Variants in MTG1 observed in about 807,000 individuals in gnomAD.
MTG1 encodes the protein mitochondrial ribosome associated GTPase 1.
In MTG1, 30 loss-of-function variants were observed where a neutral mutation model predicts 39.5. The ratio of observed to expected loss-of-function variants is 0.76; its 90% confidence interval spans 0.57 to 1.03. The LOEUF (loss-of-function observed/expected upper bound fraction) is 1.03. Among genes scored for constraint, MTG1 ranks in the 50% least tolerant of loss-of-function variants. The pLI is 0.00. For missense variants in MTG1, 513 were observed against 447.4 expected, an observed-to-expected ratio of 1.15 and a Z score of -1.32; for synonymous variants, 217 against 179.0, an observed-to-expected ratio of 1.21 and a Z score of -1.69.
chr10:133,413,067 A>G (rs1850069554), intron 9 of MTG1, among the ~76,000 whole-genome samples: 1 of 152,132 alleles, frequency 6.6e-6, no homozygotes, highest in East Asian at 1.9e-4. Flanking sequence ...ATCCTTCAGA[A>G]TATTCTCTGC....
chr10:133,396,520 C>T (rs1849785508), intron 3 of MTG1, among the ~76,000 whole-genome samples: 3 of 152,198 alleles, frequency 2.0e-5, no homozygotes, highest in African/African-American at 4.8e-5. Context: ...GGTTGTGCTG[C>T]CAGAGCCCGA....
rs542946553 is a variant in MTG1, at chr10:133,414,561, A to G, written c.753-4919A>G. Among the ~76,000 whole-genome samples the G allele has an allele frequency of 3.1e-3, 462 of 150,628 alleles. 1 individual carries two copies. Among genetic ancestry groups the G allele is most frequent in the Non-Finnish European group, 4.9e-3 (331 of 67,764 alleles). On this transcript the variant is annotated intron_variant, in intron 9 of 10. Coordinates refer to ENST00000317502, the MANE Select transcript of MTG1 (RefSeq NM_138384.4). ...CGGGCAGAGGCGCTCCCCACATCTCAGACGATGGGCGGCGGGGCAGAGACA... is the reference window on the plus strand; with the variant it reads ...CGGGCAGAGGCGCTCCCCACATCTCGGACGATGGGCGGCGGGGCAGAGACA...
chr10:133,421,703 C>CAG lies in MTG1; in HGVS notation c.*1538_*1539insAG, dbSNP rs1850238493. ...CTAGAGAGCAGTGCTTGGTTGAGTC[C>CAG]TGCCAACAGCTTCCAGATCCTCACC... On this transcript the variant is annotated 3_prime_UTR_variant, in exon 11 of 11. Transcript: ENST00000317502. 1.3e-5 allele frequency: 2 copies of CAG among 152,966 alleles called. No individual in the cohort carries two copies. The highest frequency in any genetic ancestry group is 1.3e-4 in the Admixed American group (2 of 15,286). The allele number at this position is 152,966 out of a possible 1,614,324, so 9.5% of individuals were successfully genotyped here.
At chr10:133,418,548 G>T (rs1486210695) in intron 9 of MTG1, among the ~76,000 whole-genome samples, 1 of 152,072 alleles carries the variant, frequency 6.6e-6, no homozygotes, top group African/African-American at 2.4e-5. Context: ...CAGAGCTCAT[G>T]CTTGGTGCCT....
chr10:133,399,035 G>A, intron 4 of MTG1, 135 bp from the exon 5 acceptor site: 7 of 946,858 alleles, frequency 7.4e-6, no homozygotes, highest in Non-Finnish European at 1.2e-5. Context: ...CCAGATAGGA[G>A]GTTTCTGTTT....
rs753621000 is a variant in MTG1 at position 133,395,746 on chromosome 10, T to C, written c.146T>C (p.Val49Ala). Residue 49 changes from valine (V) to alanine (A), a missense_variant, in exon 2 of 11, where the codon GTG (valine) becomes GCG (alanine). By Grantham distance (64) the Val-to-Ala change is moderately conservative. Transcript: ENST00000317502. ...AAGATGCAGAGCAGCCTGAAGCTGG[T>C]GGACTGTATCATCGAGGTCCACGAT... Reference protein sequence around the residue: ...LKKMQSSLKLVDCIIEVHDAR... With the variant: ...LKKMQSSLKLADCIIEVHDAR... 2 of 1,614,138 alleles carry C rather than the reference T, an allele frequency of 1.2e-6. No homozygotes were observed. Among genetic ancestry groups the C allele is most frequent in the Non-Finnish European group, 1.7e-6 (2 of 1,180,024 alleles).
At chr10:133,407,083 C>T (rs1849979688) in intron 9 of MTG1, among the ~76,000 whole-genome samples, 1 of 152,146 alleles carries the variant, frequency 6.6e-6, no homozygotes, top group South Asian at 2.1e-4. Context: ...ATGTTCTTGG[C>T]ACTTTTGTCG....
chr10:133,399,691 C>G, intron 6 of MTG1, 72 bp downstream of exon 6: 1 of 1,511,618 alleles, frequency 6.6e-7, no homozygotes, highest in Non-Finnish European at 9.2e-7. Flanking sequence ...ATGCCACCAT[C>G]TTTCTTGGAG....
intron 9 of MTG1, among the ~76,000 whole-genome samples, chr10:133,406,753 C>T (rs1044971943): frequency 6.7e-6 from 1 of 148,804 alleles, no homozygotes; most frequent in African/African-American, 2.5e-5. Flanking sequence ...GCAACCCCTG[C>T]TTCCTGGGTT....
In MTG1 at chr10:133,394,315, C is replaced by T. The variant is rs1410250391; in HGVS notation, c.95C>T (p.Pro32Leu). ...GGTCGCGACGTGGCGCGCTGGTTCCCGGGCCACATGGCCAAGGGTGAGGCA... is the reference window on the plus strand; with the variant it reads ...GGTCGCGACGTGGCGCGCTGGTTCCTGGGCCACATGGCCAAGGGTGAGGCA... ...LCGRDVARWF[P>L]GHMAKGLKKM... is the part of the protein sequence containing the mutation. Residue 32 changes from proline (P) to leucine (L), a missense_variant, in exon 1 of 11, where the codon CCG (proline) becomes CTG (leucine). Pro to Leu is a moderately conservative substitution (Grantham distance 98). Transcript: ENST00000317502. 4 of 1,511,076 alleles carry T rather than the reference C, an allele frequency of 2.6e-6. 1 individual carries two copies. The South Asian group carries it at 3.7e-5, about 14-fold the overall frequency. 93.6% of individuals were successfully genotyped at this position (1,511,076 alleles called of 1,614,324 possible).
At chr10:133,404,129 C>CTTTTTTTTTTTT (rs57165977) in intron 9 of MTG1, among the ~76,000 whole-genome samples, 2 of 91,172 alleles carry the variant, frequency 2.2e-5, no homozygotes, top group Non-Finnish European at 3.9e-5. Flanking sequence ...AAGTTTTAAT[C>CTTTTTTTTTTTT]TTTTTTTTTT....
At chr10:133,418,908 C>T (rs528706557) in intron 9 of MTG1, among the ~76,000 whole-genome samples, 22 of 152,266 alleles carry the variant, frequency 1.4e-4, no homozygotes, top group African/African-American at 4.3e-4. Flanking sequence ...TCAGAGTGCC[C>T]GTTACAATCA....
intron 1 of MTG1, among the ~76,000 whole-genome samples, chr10:133,395,381 C>G (rs757072363): frequency 3.9e-5 from 6 of 151,906 alleles, no homozygotes; most frequent in Non-Finnish European, 8.8e-5. Context: ...GGTGACAGAG[C>G]AAGACTCCGT....
At chr10:133,396,294 C>T (rs1466000121) in intron 3 of MTG1, 27 bp downstream of exon 3, 2 of 1,576,246 alleles carry the variant, frequency 1.3e-6, no homozygotes, top group Admixed American at 1.7e-5. Flanking sequence ...CAGACGCCTT[C>T]AGCAGTGTGG....
chr10:133,394,788 C>T (rs762949536), intron 1 of MTG1: 81 of 960,632 alleles, frequency 8.4e-5, no homozygotes, highest in East Asian at 1.1e-4. Flanking sequence ...TGCTTAACGT[C>T]TTTGGTAATT....
chr10:133,414,789 C>T (rs903928213), intron 9 of MTG1, among the ~76,000 whole-genome samples: 12 of 152,234 alleles, frequency 7.9e-5, no homozygotes, highest in African/African-American at 1.7e-4. Context: ...GCTGCAATCT[C>T]GGCACTTTGG....
chr10:133,409,515 A>C (rs2133506418), intron 9 of MTG1, among the ~76,000 whole-genome samples: 1 of 152,290 alleles, frequency 6.6e-6, no homozygotes, highest in East Asian at 1.9e-4. Context: ...CAGTTGGGTG[A>C]AATGTTCTGT....
chr10:133,396,588 C>G (rs906902393), intron 3 of MTG1, among the ~76,000 whole-genome samples: 1 of 152,008 alleles, frequency 6.6e-6, no homozygotes, highest in Non-Finnish European at 1.5e-5. Flanking sequence ...GGCAAGAGAC[C>G]GAGGACACGA....
At chr10:133,403,926 C>T (rs545796743) in intron 9 of MTG1, among the ~76,000 whole-genome samples, 5 of 152,234 alleles carry the variant, frequency 3.3e-5, no homozygotes, top group African/African-American at 1.2e-4. Flanking sequence ...TCTCTAAGAT[C>T]AGTCTTTAAC....
Sources: gnomAD v4.1 joint callset for allele counts (sites outside exome capture counted in the v4.1 genomes callset) on GRCh38, gnomAD v4.1.1 for gene constraint, MANE v1.5 for transcripts, NCBI Gene and HGNC (gene_info 2026-07-23, HGNC 2026-07-21) for gene names.